The following RAB38 variants were observed in gnomAD, a reference collection of about 807,000 sequenced individuals.
The protein encoded by RAB38 is ras-related protein Rab-38.
A neutral mutation model predicts 18.4 loss-of-function variants in RAB38; 15 were observed. That is an observed-to-expected ratio of 0.82 (90% CI 0.55 to 1.26). The LOEUF is 1.26. Among genes scored for constraint, RAB38 ranks in the 50% most tolerant of loss-of-function variants. The pLI, the probability that RAB38 is intolerant of heterozygous loss-of-function variation, is 0.00. For synonymous variants in RAB38, 101 were observed against 104.4 expected (o/e 0.97, Z 0.20); for missense variants, 294 against 267.4 (o/e 1.10, Z -0.69).
chr11:87,895,655 C>T, the RAB38 span, among the ~76,000 whole-genome samples: 3 of 151,476 alleles, frequency 2.0e-5, no homozygotes, highest in Non-Finnish European at 4.4e-5. Context: ...TCCACTGCAC[C>T]GGCTGATTTA....
chr11:87,884,861 C>T, the RAB38 span, among the ~76,000 whole-genome samples: 5 of 151,860 alleles, frequency 3.3e-5, no homozygotes, highest in African/African-American at 9.7e-5. Context: ...ATCTACAGTT[C>T]GGCAAAATCC....
At chr11:88,120,567 A>T (rs566407723) in intron 2 of RAB38, among the ~76,000 whole-genome samples, 53 of 152,228 alleles carry the variant, frequency 3.5e-4, no homozygotes, top group African/African-American at 1.3e-3. Flanking sequence ...CCACATTGTC[A>T]CTTATTTTAA....
chr11:88,094,285 T>C, the RAB38 span, among the ~76,000 whole-genome samples: 23 of 152,066 alleles, frequency 1.5e-4, no homozygotes, highest in African/African-American at 5.5e-4. Context: ...TTCCATTACA[T>C]GGCTTGCCAT....
intron 2 of RAB38, among the ~76,000 whole-genome samples, chr11:88,133,011 T>C (rs182982140): frequency 1.6e-4 from 25 of 152,310 alleles, no homozygotes; most frequent in African/African-American, 5.5e-4. Context: ...ATTAATGTAG[T>C]GAACTACTGC....
At chr11:88,056,757 T>C in the RAB38 span, among the ~76,000 whole-genome samples, 1 of 151,958 alleles carries the variant, frequency 6.6e-6, no homozygotes, top group African/African-American at 2.4e-5. Flanking sequence ...TGAGCCAAGA[T>C]CGCACCACTG....
At chr11:87,898,026 T>A in the RAB38 span, among the ~76,000 whole-genome samples, 1 of 151,722 alleles carries the variant, frequency 6.6e-6, no homozygotes, top group African/African-American at 2.4e-5. Flanking sequence ...TGGAAGTCTT[T>A]ACCTTATTTA....
At chr11:88,018,260 A>G in the RAB38 span, among the ~76,000 whole-genome samples, 2 of 152,044 alleles carry the variant, frequency 1.3e-5, no homozygotes, top group Non-Finnish European at 2.9e-5. Flanking sequence ...TAGACCTGTT[A>G]TTATCAAAAG....
At chr11:87,951,825 A>C in the RAB38 span, among the ~76,000 whole-genome samples, 1 of 152,056 alleles carries the variant, frequency 6.6e-6, no homozygotes, top group Non-Finnish European at 1.5e-5. Flanking sequence ...GGTGCCTCCC[A>C]GTTAGGCTAC....
chr11:88,051,281 TA>T, the RAB38 span, among the ~76,000 whole-genome samples: 1 of 151,944 alleles, frequency 6.6e-6, no homozygotes, highest in Non-Finnish European at 1.5e-5. Context: ...AGATTAAGGA[TA>T]AAAAGTAGCT....
the RAB38 span, among the ~76,000 whole-genome samples, chr11:87,871,987 G>GA: frequency 2.6e-5 from 4 of 151,342 alleles, no homozygotes; most frequent in Non-Finnish European, 5.9e-5. Flanking sequence ...ATTTTTGTTG[G>GA]ATATATATAC....
the RAB38 span, among the ~76,000 whole-genome samples, chr11:88,099,041 C>T: frequency 5.9e-5 from 9 of 151,634 alleles, no homozygotes; most frequent in Admixed American, 5.9e-4. Context: ...ATAGAGTGGA[C>T]CAAAGGAAAT....
chr11:88,053,422 C>T, the RAB38 span, among the ~76,000 whole-genome samples: 2 of 103,676 alleles, frequency 1.9e-5, no homozygotes, highest in African/African-American at 7.5e-5. Context: ...TATACACACA[C>T]ATATATATGG....
At chr11:88,135,925 C>T (rs1173867129) in intron 2 of RAB38, among the ~76,000 whole-genome samples, 1 of 152,164 alleles carries the variant, frequency 6.6e-6, no homozygotes, top group Non-Finnish European at 1.5e-5. Flanking sequence ...TTTACTTACA[C>T]TAGAAAATTC....
chr11:87,868,612 A>AGAGAGAGAGAGAAG, the RAB38 span, among the ~76,000 whole-genome samples: 26 of 144,810 alleles, frequency 1.8e-4, no homozygotes, highest in African/African-American at 6.7e-4. Flanking sequence ...AGAGAGAGAG[A>AGAGAGAGAGAGAAG]GAGAGAGAGA....
the RAB38 span, among the ~76,000 whole-genome samples, chr11:87,922,573 T>A: frequency 4.0e-5 from 6 of 151,736 alleles, no homozygotes; most frequent in African/African-American, 1.5e-4. Flanking sequence ...CTGAAAAAAA[T>A]ATATATAATT....
chr11:87,940,658 G>C, the RAB38 span, among the ~76,000 whole-genome samples: 2 of 151,930 alleles, frequency 1.3e-5, no homozygotes, highest in Non-Finnish European at 2.9e-5. Context: ...GAAAGAAAGA[G>C]AAAGAGATGG....
Position 88,145,158 on chromosome 11 carries a change from T to G in RAB38, c.483+4517A>C, listed in dbSNP as rs146424047. On this transcript the variant is annotated intron_variant, in intron 2 of 2. Transcript: ENST00000243662. ...ACATTATTTATCTCTCTTTTTTTTT[T>G]TGTGGGTAGGGATGGAGTTTTGCTC... Among the ~76,000 whole-genome samples the G allele has an allele frequency of 6.6e-5, 10 of 151,956 alleles. No individual in the cohort carries two copies. In the East Asian group the frequency reaches 1.7e-3, roughly 27 times the overall value.
At chr11:87,820,091 A>C in the RAB38 span, among the ~76,000 whole-genome samples, 2 of 152,328 alleles carry the variant, frequency 1.3e-5, no homozygotes, top group South Asian at 4.1e-4. Context: ...AGCAGTTCTC[A>C]GATCAGGCAC....
the RAB38 span, among the ~76,000 whole-genome samples, chr11:87,940,585 T>G: frequency 5.9e-5 from 9 of 152,010 alleles, no homozygotes; most frequent in Non-Finnish European, 8.8e-5. Flanking sequence ...AATAGATATA[T>G]GTACATATAT....
Sources: gnomAD v4.1 joint callset for allele counts (sites outside exome capture counted in the v4.1 genomes callset) on GRCh38, gnomAD v4.1.1 for gene constraint, MANE v1.5 for transcripts, NCBI Gene and HGNC (gene_info 2026-07-23, HGNC 2026-07-21) for gene names.